The following PRR27 variants were observed in gnomAD, a reference collection of about 807,000 sequenced individuals.
PRR27 encodes proline-rich protein 27.
A neutral mutation model predicts 16.8 loss-of-function variants in PRR27; 12 were observed. The observed-to-expected ratio is 0.71, with a 90% CI of 0.46 to 1.16. The LOEUF is 1.16. PRR27 is among the 50% of genes most tolerant of loss of function. The probability of loss-of-function intolerance (pLI) is 0.00; values close to 1 mark genes in which losing one functional copy is unlikely to be tolerated. For synonymous variants in PRR27, 100 were observed against 98.4 expected, an observed-to-expected ratio of 1.02 and a Z score of -0.10; for missense variants, 277 against 273.3, an observed-to-expected ratio of 1.01 and a Z score of -0.10.
rs371919971 is a variant in PRR27, at chr4:70,165,979, C to T, written c.*3318C>T. ...AGGTATAAGTTTGTGTGTATAATTC[C>T]CTGGCTTTTTTCTAAAATTTTAGTA... On this transcript the variant is annotated 3_prime_UTR_variant, in exon 5 of 5. Transcript: ENST00000344526. 6 of 152,030 alleles carry T rather than the reference C, an allele frequency of 3.9e-5. No homozygotes were observed. Among genetic ancestry groups the T allele is most frequent in the African/African-American group, 1.2e-4 (5 of 41,488 alleles). 9.4% of individuals were successfully genotyped at this position (152,030 alleles called of 1,614,324 possible). A position where few individuals can be genotyped will look rare whatever the true frequency, so the allele number is the denominator to read the frequency against.
chr4:70,154,452 T>A, intron 1 of PRR27, 26 bp downstream of exon 1: 1 of 1,560,708 alleles, frequency 6.4e-7, no homozygotes, highest in South Asian at 1.1e-5. Context: ...TCCAAAATTG[T>A]AACAATTGTA....
chr4:70,158,378 T>C lies in PRR27; in HGVS notation c.126T>C (p.Tyr42=), dbSNP rs375338764. ...HPLHPSLNIP[Y]GIRNLPPPLY... ...TTCATCCATCTCTGAATATTCCTTA[T>C]GGCATACGGAATTTACCACCTCCTC... The change falls in exon 3 of 5, where the codon TAT becomes TAC. Residue 42 remains tyrosine (Y), a synonymous_variant. Coordinates refer to ENST00000344526, the MANE Select transcript of PRR27 (RefSeq NM_214711.4). The C allele has an allele frequency of 6.8e-6, 11 of 1,613,278 alleles. No individual in the cohort carries two copies. Among genetic ancestry groups the C allele is most frequent in the African/African-American group, 1.3e-5 (1 of 74,876 alleles).
chr4:70,154,385 C>T lies in PRR27; in HGVS notation c.10C>T (p.Leu4Phe). ...CATAGGGTCAATCAAAATGAAGCTT[C>T]TCCTTTGGGCCTGCATTGTATGTGT... The part of the protein sequence containing the change: MKL[L>F]LWACIVCVAF... The change falls in exon 1 of 5, where the codon CTC becomes TTC. Residue 4 changes from leucine to phenylalanine, a missense_variant. Transcript: ENST00000344526. 1 of 1,612,302 alleles carries T rather than the reference C, an allele frequency of 6.2e-7. No individual in the cohort carries two copies. The highest frequency in any genetic ancestry group is 8.5e-7 in the Non-Finnish European group (1 of 1,178,550).
chr4:70,157,598 A>G (rs1339299267), intron 2 of PRR27, among the ~76,000 whole-genome samples: 1 of 151,984 alleles, frequency 6.6e-6, no homozygotes, highest in Non-Finnish European at 1.5e-5. Flanking sequence ...AGCTCACTGC[A>G]ACCTCTGCCT....
rs546768534 is a variant in PRR27 at position 70,162,503 on chromosome 4, C to T, written c.*34-192C>T. On this transcript the variant is annotated intron_variant, in intron 4 of 4. Transcript: ENST00000344526. ...GAATTAGTTCAAGATATTAGATACA[C>T]ATAATAGTTTCATATATTCTGTAGC... Among the ~76,000 whole-genome samples, 11 of 136,794 alleles carry T rather than the reference C, an allele frequency of 8.0e-5. No individual in the cohort carries two copies. In the East Asian group the frequency reaches 9.0e-4, roughly 11 times the overall value. The allele number at this position is 136,794 out of a possible 152,430, so 89.7% of individuals were successfully genotyped here.
chr4:70,155,825 C>T (rs772809871), intron 1 of PRR27, among the ~76,000 whole-genome samples: 3 of 151,958 alleles, frequency 2.0e-5, no homozygotes, highest in Non-Finnish European at 4.4e-5. Flanking sequence ...ATATTACAAA[C>T]CAAAATCCAT....
intron 3 of PRR27, among the ~76,000 whole-genome samples, chr4:70,160,441 C>CTGTGTGTGTGTGTGTGTG (rs1349628920): frequency 9.1e-5 from 8 of 87,502 alleles, no homozygotes; most frequent in East Asian, 4.2e-4. Flanking sequence ...CTCTCTCTCT[C>CTGTGTGTGTGTGTGTGTG]TCTGTGTGTG....
rs1490693107 is a variant in PRR27, at chr4:70,165,609, T to C, written c.*2948T>C. The C allele has an allele frequency of 1.3e-5, 2 of 152,120 alleles. No homozygotes were observed. The highest frequency in any genetic ancestry group is 2.4e-5 in the African/African-American group (1 of 41,446). The allele number at this position is 152,120 out of a possible 1,614,324, so 9.4% of individuals were successfully genotyped here. Reference sequence around the variant, plus strand: ...TGAGCTTTTTATAGAAAAATGCTACTGCGAAATTATTTTGAGTCATATCTT... The same window carrying C: ...TGAGCTTTTTATAGAAAAATGCTACCGCGAAATTATTTTGAGTCATATCTT... On this transcript the variant is annotated 3_prime_UTR_variant, in exon 5 of 5. Coordinates refer to ENST00000344526, the MANE Select transcript of PRR27 (RefSeq NM_214711.4).
chr4:70,154,285 C>T lies in PRR27; in HGVS notation c.-91C>T. 2.7e-6 allele frequency: 3 copies of T among 1,116,862 alleles called. No homozygotes were observed. Among genetic ancestry groups the T allele is most frequent in the East Asian group, 2.6e-5 (1 of 38,606 alleles). The allele number at this position is 1,116,862 out of a possible 1,614,324, so 69.2% of individuals were successfully genotyped here. A position where few individuals can be genotyped will look rare whatever the true frequency, so the allele number is the denominator to read the frequency against. ...AAAAGCCATGTATTCTTTCGTTTCT[C>T]TCTAAAAGAAGAAAAATATAATTTA... is the stretch of plus-strand genomic sequence containing the variant. On this transcript the variant is annotated 5_prime_UTR_variant, in exon 1 of 5. Coordinates refer to ENST00000344526, the MANE Select transcript of PRR27 (RefSeq NM_214711.4).
chr4:70,159,366 C>G (rs1321953237), intron 3 of PRR27, among the ~76,000 whole-genome samples: 1 of 152,136 alleles, frequency 6.6e-6, no homozygotes, highest in African/African-American at 2.4e-5. Context: ...TACAGATACG[C>G]CGTAATTCAT....
chr4:70,154,881 T>C, intron 1 of PRR27: 1 of 687,380 alleles, frequency 1.5e-6, no homozygotes, highest in South Asian at 1.5e-5. Context: ...TATAGTGTAA[T>C]GCAATGGCCT....
chr4:70,156,498 G>A (rs538802407), intron 2 of PRR27, among the ~76,000 whole-genome samples: 4 of 152,318 alleles, frequency 2.6e-5, no homozygotes, highest in East Asian at 3.9e-4. Flanking sequence ...ATATTCAGGT[G>A]TGTGTCTTCA....
At chr4:70,162,527 G>GT (rs5859214) in intron 4 of PRR27, among the ~76,000 whole-genome samples, 168 bp from the exon 5 acceptor site, 142,489 of 152,208 alleles carry the variant, frequency 0.94, 67,138 homozygotes, top group East Asian at 1. Context: ...ATATTCTGTA[G>GT]CATTTGTATT....
chr4:70,154,473 C>A, intron 1 of PRR27, 47 bp downstream of exon 1: 1 of 1,452,294 alleles, frequency 6.9e-7, no homozygotes, highest in Non-Finnish European at 9.7e-7. Flanking sequence ...TAACCATTTG[C>A]TAATTGTTTA....
chr4:70,155,990 G>T, intron 1 of PRR27, 64 bp from the exon 2 acceptor site: 1 of 1,038,828 alleles, frequency 9.6e-7, no homozygotes, highest in Non-Finnish European at 1.4e-6. Context: ...CAGCAATATG[G>T]AAATGTAGGT....
intron 2 of PRR27, among the ~76,000 whole-genome samples, chr4:70,157,106 A>G (rs1276554475): frequency 1.3e-5 from 2 of 152,128 alleles, no homozygotes; most frequent in East Asian, 3.9e-4. Flanking sequence ...TTACTTATGT[A>G]TATATGTCAT....
At chr4:70,154,673 G>A (rs376042536) in intron 1 of PRR27, 22 of 1,110,638 alleles carry the variant, frequency 2.0e-5, no homozygotes, top group Non-Finnish European at 2.7e-5. Context: ...TAGGAGGCTG[G>A]AGGAGGAAAA....
In PRR27 at chr4:70,154,383, T is replaced by C; in HGVS notation, c.8T>C (p.Leu3Pro). Reference sequence around the variant, plus strand: ...TTCATAGGGTCAATCAAAATGAAGCTTCTCCTTTGGGCCTGCATTGTATGT... The same window carrying C: ...TTCATAGGGTCAATCAAAATGAAGCCTCTCCTTTGGGCCTGCATTGTATGT... Reference protein sequence around the residue: MKLLLWACIVCVA... With the variant: MKPLLWACIVCVA... The change falls in exon 1 of 5, where the codon CTT (leucine) becomes CCT (proline). Residue 3 changes from leucine (L) to proline (P), a missense_variant. By Grantham distance (98) the Leu-to-Pro change is moderately conservative. Transcript: ENST00000344526. The C allele has an allele frequency of 6.2e-7, 1 of 1,612,180 alleles. No individual in the cohort carries two copies. The highest frequency in any genetic ancestry group is 8.5e-7 in the Non-Finnish European group (1 of 1,178,392).
intron 3 of PRR27, among the ~76,000 whole-genome samples, chr4:70,160,554 G>C (rs1483807225): frequency 6.6e-6 from 1 of 151,344 alleles, no homozygotes; most frequent in Non-Finnish European, 1.5e-5. Context: ...CTTGCTTCCT[G>C]TCTCTTAGTG....
Sources: gnomAD v4.1 joint callset for allele counts (sites outside exome capture counted in the v4.1 genomes callset) on GRCh38, gnomAD v4.1.1 for gene constraint, MANE v1.5 for transcripts, NCBI Gene and HGNC (gene_info 2026-07-23, HGNC 2026-07-21) for gene names.